ZNF362: variants seen among roughly 807,000 people sequenced by gnomAD.
The protein encoded by ZNF362 is zinc finger protein 362, also known as rotund homolog.
ZNF362 carries 11 observed loss-of-function variants against 42.9 expected under a neutral mutation model. The observed-to-expected ratio is 0.26, with a 90% confidence interval of 0.16 to 0.42. ZNF362 has a LOEUF of 0.42. ZNF362 is among the 20% of genes least tolerant of loss of function. The pLI, the probability that ZNF362 is intolerant of heterozygous loss-of-function variation, is 1.00. For synonymous variants in ZNF362, 255 were observed against 257.3 expected (o/e 0.99, Z 0.09); for missense variants, 362 against 576.2 (o/e 0.63, Z 3.81).
At chr1:33,228,058 C>A in the ZNF362 span, among the ~76,000 whole-genome samples, 4 of 152,196 alleles carry the variant, frequency 2.6e-5, no homozygotes, top group East Asian at 7.7e-4. Flanking sequence ...CCTCAGTTGC[C>A]CCCTGGCTCT....
upstream of ZNF362, among the ~76,000 whole-genome samples, chr1:33,255,483 CG>C (rs34778480): frequency 0.96 from 145,808 of 152,186 alleles, 70,162 homozygotes; most frequent in Non-Finnish European, 1. Flanking sequence ...ATCCTGGAAC[CG>C]GCTGCCTCCT....
chr1:33,197,544 T>C, the ZNF362 span, among the ~76,000 whole-genome samples: 7 of 152,168 alleles, frequency 4.6e-5, no homozygotes, highest in Admixed American at 2.6e-4. Flanking sequence ...AAACGATGGT[T>C]CTCAAGGCAT....
At chr1:33,181,624 CTCCGTG>C in the ZNF362 span, 1 of 1,072,434 alleles carries the variant, frequency 9.3e-7, no homozygotes, top group Non-Finnish European at 1.3e-6. This position sits in a 1 kb window ranked among gnomAD's most constrained non-coding sequence, Gnocchi z 6.5. Flanking sequence ...GCGGCTGAGA[CTCCGTG>C]GGACGCCAGC....
At chr1:33,198,021 A>G in the ZNF362 span, among the ~76,000 whole-genome samples, 1 of 152,192 alleles carries the variant, frequency 6.6e-6, no homozygotes, top group African/African-American at 2.4e-5. Context: ...TTCTGCCAAG[A>G]ATGTTGAAAG....
At chr1:33,139,054 G>A in the ZNF362 span, among the ~76,000 whole-genome samples, 17 of 152,336 alleles carry the variant, frequency 1.1e-4, no homozygotes, top group South Asian at 3.5e-3. Flanking sequence ...TGGGACTGGG[G>A]AAGAAGGAGA....
chr1:33,224,649 GAC>G, the ZNF362 span, among the ~76,000 whole-genome samples: 1 of 152,172 alleles, frequency 6.6e-6, no homozygotes, highest in African/African-American at 2.4e-5. Context: ...CGATGAAAGA[GAC>G]ACATGAAACA....
the ZNF362 span, chr1:33,158,225 C>T: frequency 6.2e-7 from 1 of 1,600,788 alleles, no homozygotes; most frequent in Non-Finnish European, 8.6e-7. Context: ...CCCCACCTAG[C>T]TCTGGACCAT....
At position 33,285,657 on chromosome 1, in the gene ZNF362, A is replaced by G. The variant is rs182467754; in HGVS notation, c.908+3846A>G. The stretch of plus-strand genomic sequence containing the variant: ...TGTTATACATATTATATGTTTATGT[A>G]TGTATAAAATTAACCCAGGGAGGTT... On this transcript the variant is annotated intron_variant, in intron 6 of 8. Coordinates refer to ENST00000539719, the MANE Select transcript of ZNF362 (RefSeq NM_152493.3). 7.2e-3 allele frequency among the ~76,000 whole-genome samples: 1,095 copies of G among 152,340 alleles called. 12 individuals carry two copies. The highest frequency in any genetic ancestry group is 0.025 in the African/African-American group (1,048 of 41,566).
chr1:33,165,840 A>G, the ZNF362 span: 1 of 286,768 alleles, frequency 3.5e-6, no homozygotes, highest in Non-Finnish European at 6.5e-6. This position sits in a 1 kb window ranked among gnomAD's most constrained non-coding sequence, Gnocchi z 4.0. Context: ...CCACATACAC[A>G]CTCTCTGGCT....
At chr1:33,192,743 G>A in the ZNF362 span, among the ~76,000 whole-genome samples, 3 of 152,070 alleles carry the variant, frequency 2.0e-5, no homozygotes, top group Admixed American at 2.0e-4. Flanking sequence ...TATGGATGGG[G>A]AACTGATAGC....
At chr1:33,209,449 G>A in the ZNF362 span, among the ~76,000 whole-genome samples, 2 of 152,298 alleles carry the variant, frequency 1.3e-5, no homozygotes, top group Admixed American at 6.5e-5. Context: ...AAATGAGTTA[G>A]GGAGGATTCT....
At chr1:33,145,704 C>T in the ZNF362 span, 11 of 358,462 alleles carry the variant, frequency 3.1e-5, no homozygotes, top group East Asian at 3.2e-4. Flanking sequence ...CTCAGTCTTG[C>T]AGCCCACTCC....
At chr1:33,178,655 T>A in the ZNF362 span, among the ~76,000 whole-genome samples, 23 of 152,158 alleles carry the variant, frequency 1.5e-4, no homozygotes, top group African/African-American at 5.6e-4. Flanking sequence ...CCTGACCCCA[T>A]TGTACAGACA....
At chr1:33,172,771 G>A in the ZNF362 span, among the ~76,000 whole-genome samples, 650 of 152,266 alleles carry the variant, frequency 4.3e-3, 7 homozygotes, top group African/African-American at 0.015. Context: ...CTCCTGCTGT[G>A]AGGCCATCCC....
chr1:33,238,326 C>CATAACATAAA, the ZNF362 span, among the ~76,000 whole-genome samples: 3 of 85,178 alleles, frequency 3.5e-5, no homozygotes, highest in Admixed American at 1.3e-4. Context: ...CTCAAAATAA[C>CATAACATAAA]ATAAAATAAA....
At chr1:33,210,872 G>A in the ZNF362 span, among the ~76,000 whole-genome samples, 2 of 151,762 alleles carry the variant, frequency 1.3e-5, no homozygotes, top group African/African-American at 4.9e-5. Context: ...GTCTTAACCC[G>A]TTATCCAATT....
chr1:33,286,777 G>A (rs1008388348), intron 6 of ZNF362, among the ~76,000 whole-genome samples: 5 of 152,130 alleles, frequency 3.3e-5, no homozygotes, highest in African/African-American at 1.2e-4. Context: ...TTTGACGGAG[G>A]CCCTTTCCTA....
chr1:33,147,620 C>G, the ZNF362 span: 5 of 1,614,092 alleles, frequency 3.1e-6, no homozygotes, highest in Non-Finnish European at 4.2e-6. This position sits in a 1 kb window ranked among gnomAD's most constrained non-coding sequence, Gnocchi z 8.1. Flanking sequence ...TTTGGCGAGT[C>G]CTGCAGTGGC....
the ZNF362 span, among the ~76,000 whole-genome samples, chr1:33,137,270 T>G: frequency 7.2e-5 from 11 of 152,328 alleles, no homozygotes; most frequent in African/African-American, 2.6e-4. Flanking sequence ...ATGTGAGCTC[T>G]GCCACGTAAG....
Sources: gnomAD v4.1 joint callset for allele counts (sites outside exome capture counted in the v4.1 genomes callset) on GRCh38, gnomAD v4.1.1 for gene constraint, Gnocchi (gnomAD v3.1) non-coding constraint, MANE v1.5 for transcripts, NCBI Gene and HGNC (gene_info 2026-07-23, HGNC 2026-07-21) for gene names.